Variants in PLPPR5 observed in about 807,000 individuals in gnomAD.
The protein encoded by PLPPR5 is phospholipid phosphatase related 5, also known as phospholipid phosphatase-related protein type 5.
A neutral mutation model predicts 33.9 loss-of-function variants in PLPPR5; 16 were observed. The observed-to-expected ratio is 0.47, with a 90% CI of 0.32 to 0.72. PLPPR5 has a LOEUF of 0.72. Ranked by LOEUF, PLPPR5 falls within the 30% of genes least tolerant of loss-of-function variation. The probability of loss-of-function intolerance (pLI) is 0.03; values close to 1 mark genes in which losing one functional copy is unlikely to be tolerated. For missense variants in PLPPR5, 301 were observed against 406.7 expected, an observed-to-expected ratio of 0.74 and a Z score of 2.23; for synonymous variants, 163 against 150.3, an observed-to-expected ratio of 1.08 and a Z score of -0.62.
intron 3 of PLPPR5, among the ~76,000 whole-genome samples, chr1:98,951,098 C>T (rs1471811832): frequency 6.6e-6 from 1 of 152,126 alleles, no homozygotes; most frequent in African/African-American, 2.4e-5. Flanking sequence ...GGCTAGGTCA[C>T]GTATTTATAT....
At chr1:98,996,085 A>T (rs917263003) in intron 1 of PLPPR5, among the ~76,000 whole-genome samples, 2 of 152,114 alleles carry the variant, frequency 1.3e-5, no homozygotes, top group African/African-American at 4.8e-5. Flanking sequence ...GAATGCAGTT[A>T]TTCAACTGAC....
In PLPPR5 at chr1:98,985,792, C is replaced by T. The variant is rs74561172; in HGVS notation, c.237+18643G>A. Among the ~76,000 whole-genome samples, 1,176 of 152,128 alleles carry T rather than the reference C, an allele frequency of 7.7e-3. 20 individuals are homozygous for T. Among genetic ancestry groups the T allele is most frequent in the African/African-American group, 0.027 (1,121 of 41,532 alleles). On this transcript the variant is annotated intron_variant, in intron 1 of 5. Transcript: ENST00000263177. The stretch of plus-strand genomic sequence containing the variant: ...CATAGCCTAGGAACAACAGATTATT[C>T]CATATAGCCTCATTGTATACACATT...
intron 1 of PLPPR5, among the ~76,000 whole-genome samples, chr1:99,001,693 T>TATATATATATATATATATATATATAG (rs1557699537): frequency 6.9e-5 from 10 of 144,590 alleles, no homozygotes; most frequent in Non-Finnish European, 1.5e-4. Context: ...TATATATATA[T>TATATATATATATATATATATATATAG]ATATATATAT....
chr1:98,988,980 G>A (rs947141411), intron 1 of PLPPR5, among the ~76,000 whole-genome samples: 7 of 152,080 alleles, frequency 4.6e-5, no homozygotes, highest in African/African-American at 1.7e-4. Context: ...AGTTGTACCA[G>A]TGATCCCTTT....
chr1:98,981,645 A>G (rs1652067537), intron 1 of PLPPR5, among the ~76,000 whole-genome samples: 1 of 152,068 alleles, frequency 6.6e-6, no homozygotes, highest in East Asian at 1.9e-4. Flanking sequence ...ACACAGACAG[A>G]CTTGTCCAAG....
At chr1:98,905,210 G>A (rs1648851358) in intron 5 of PLPPR5, among the ~76,000 whole-genome samples, 1 of 152,084 alleles carries the variant, frequency 6.6e-6, no homozygotes, top group Non-Finnish European at 1.5e-5. Context: ...TTGCTTACAG[G>A]ATAAGAATCA....
intron 1 of PLPPR5, among the ~76,000 whole-genome samples, chr1:98,995,613 C>T (rs1652605415): frequency 6.6e-6 from 1 of 151,976 alleles, no homozygotes; most frequent in South Asian, 2.1e-4. Context: ...GAGTCCAGCC[C>T]TTGGTTTAAA....
intron 5 of PLPPR5, among the ~76,000 whole-genome samples, chr1:98,906,302 T>C (rs1428216477): frequency 6.6e-6 from 1 of 151,130 alleles, no homozygotes; most frequent in Non-Finnish European, 1.5e-5. Context: ...TATATGTATA[T>C]ATATACTGTA....
At chr1:99,000,360 C>T (rs551241790) in intron 1 of PLPPR5, among the ~76,000 whole-genome samples, 14 of 152,110 alleles carry the variant, frequency 9.2e-5, no homozygotes, top group Non-Finnish European at 1.6e-4. Context: ...AAAAAATGTC[C>T]TAAACCACCA....
chr1:98,927,237 G>A (rs1649801377), intron 3 of PLPPR5, among the ~76,000 whole-genome samples: 1 of 152,192 alleles, frequency 6.6e-6, no homozygotes, highest in African/African-American at 2.4e-5. Context: ...GGGATGGGAG[G>A]AATTCTGAAT....
At chr1:98,921,006 ATACTT>A (rs974085233) in intron 4 of PLPPR5, among the ~76,000 whole-genome samples, 1 of 152,162 alleles carries the variant, frequency 6.6e-6, no homozygotes, top group Non-Finnish European at 1.5e-5. Flanking sequence ...AACTTATACT[ATACTT>A]TAAGAGTATA....
chr1:98,941,850 A>G (rs1269306169), intron 3 of PLPPR5, among the ~76,000 whole-genome samples: 1 of 149,934 alleles, frequency 6.7e-6, no homozygotes, highest in African/African-American at 2.4e-5. Flanking sequence ...CAAATAGCTC[A>G]AAGCAGACTG....
chr1:98,976,775 AGAGT>A (rs1228501983), intron 1 of PLPPR5, among the ~76,000 whole-genome samples: 3 of 152,074 alleles, frequency 2.0e-5, no homozygotes, highest in Middle Eastern at 3.2e-3. Context: ...TTGCATATAT[AGAGT>A]TAGTAAAATA....
chr1:98,929,743 A>G (rs1210937668), intron 3 of PLPPR5, among the ~76,000 whole-genome samples: 1 of 152,200 alleles, frequency 6.6e-6, no homozygotes, highest in Admixed American at 6.5e-5. Flanking sequence ...TATCTCCAGT[A>G]TGACTCCCCC....
At chr1:98,958,635 G>C (rs1048432414) in intron 1 of PLPPR5, among the ~76,000 whole-genome samples, 4 of 152,138 alleles carry the variant, frequency 2.6e-5, no homozygotes, top group African/African-American at 9.7e-5. Flanking sequence ...TATTTTTCAT[G>C]AGTATCTGGA....
rs77492206 is a variant in PLPPR5 at position 98,990,412 on chromosome 1, C to T, written c.237+14023G>A. On this transcript the variant is annotated intron_variant, in intron 1 of 5. Transcript: ENST00000263177. Reference sequence around the variant, plus strand: ...AAACAAAAAACAAAAAAAGAAAAAGCACATACCATACTATATAAATGCTTA... The same window carrying T: ...AAACAAAAAACAAAAAAAGAAAAAGTACATACCATACTATATAAATGCTTA... Among the ~76,000 whole-genome samples the T allele has an allele frequency of 6.4e-3, 979 of 151,894 alleles. 10 individuals are homozygous for T. The highest frequency in any genetic ancestry group is 0.022 in the African/African-American group (905 of 41,472).
chr1:98,906,078 T>C (rs971641208), intron 5 of PLPPR5, among the ~76,000 whole-genome samples: 5 of 151,874 alleles, frequency 3.3e-5, no homozygotes, highest in African/African-American at 1.2e-4. Flanking sequence ...TTTCACTAGG[T>C]AATGCTATAT....
chr1:98,956,174 G>A (rs543360857), intron 2 of PLPPR5, among the ~76,000 whole-genome samples: 155 of 152,064 alleles, frequency 1.0e-3, no homozygotes, highest in African/African-American at 3.1e-3. Context: ...ACTAAGTACC[G>A]TTCAAAGATT....
chr1:98,912,818 T>C (rs894620959), intron 5 of PLPPR5, among the ~76,000 whole-genome samples: 20 of 152,332 alleles, frequency 1.3e-4, no homozygotes, highest in Non-Finnish European at 2.4e-4. Context: ...GTGGAATTTA[T>C]ATAAACCATC....
Sources: gnomAD v4.1 joint callset for allele counts (sites outside exome capture counted in the v4.1 genomes callset) on GRCh38, gnomAD v4.1.1 for gene constraint, MANE v1.5 for transcripts, NCBI Gene and HGNC (gene_info 2026-07-23, HGNC 2026-07-21) for gene names.